Variants in SH3KBP1 observed in about 807,000 individuals in gnomAD.
The protein encoded by SH3KBP1 is SH3 domain containing kinase binding protein 1, also known as SH3 domain-containing kinase-binding protein 1.
SH3KBP1 carries 8 observed loss-of-function variants against 50.1 expected under a neutral mutation model. The ratio of observed to expected loss-of-function variants is 0.16; its 90% CI spans 0.09 to 0.29. The LOEUF (loss-of-function observed/expected upper bound fraction) is 0.29. Ranked by LOEUF, SH3KBP1 falls within the 10% of genes least tolerant of loss-of-function variation. The pLI, the probability that SH3KBP1 is intolerant of heterozygous loss-of-function variation, is 1.00. For missense variants in SH3KBP1, 377 were observed against 535.2 expected (o/e 0.70, Z 2.92); for synonymous variants, 227 against 218.6 (o/e 1.04, Z -0.34).
intron 1 of SH3KBP1, among the ~76,000 whole-genome samples, chrX:19,869,314 A>G (rs995763677): frequency 8.9e-6 from 1 of 112,715 alleles, no homozygotes; most frequent in African/African-American, 3.2e-5. Flanking sequence ...GCACATGGTT[A>G]CACAGCTGGA....
intron 6 of SH3KBP1, among the ~76,000 whole-genome samples, chrX:19,663,823 C>T (rs2062526442): frequency 1.8e-5 from 2 of 112,162 alleles, no homozygotes; most frequent in South Asian, 7.4e-4. Flanking sequence ...CAGTGGCTCA[C>T]GCCTGTAATC....
At chrX:19,857,085 T>C (rs780041188) in intron 1 of SH3KBP1, among the ~76,000 whole-genome samples, 2 of 104,146 alleles carry the variant, frequency 1.9e-5, no homozygotes, top group African/African-American at 7.0e-5. Context: ...AGATGGTCTG[T>C]CCATTTCATC....
chrX:19,722,230 C>A (rs2064076770), intron 3 of SH3KBP1, among the ~76,000 whole-genome samples: 2 of 111,356 alleles, frequency 1.8e-5, no homozygotes, highest in African/African-American at 3.3e-5. Flanking sequence ...CCTCTTATTA[C>A]TTGGGTCAGT....
chrX:19,871,471 A>C (rs908618649), intron 1 of SH3KBP1, among the ~76,000 whole-genome samples: 1 of 112,826 alleles, frequency 8.9e-6, no homozygotes, highest in Non-Finnish European at 1.9e-5. Flanking sequence ...TATATGGTAC[A>C]TATTAGCACC....
intron 9 of SH3KBP1, among the ~76,000 whole-genome samples, chrX:19,595,227 A>G (rs2066866365): frequency 8.9e-6 from 1 of 112,212 alleles, no homozygotes; most frequent in Non-Finnish European, 1.9e-5. Context: ...ATGAAACGCC[A>G]TTTCCCCCTT....
At chrX:19,872,252 C>CAAAAAAAA (rs67033348) in intron 1 of SH3KBP1, among the ~76,000 whole-genome samples, 19 of 37,949 alleles carry the variant, frequency 5.0e-4, no homozygotes, top group Admixed American at 1.2e-3. Flanking sequence ...AACTTCATCT[C>CAAAAAAAA]AAAAAAAAAA....
At chrX:19,883,743 C>G (rs2069509076) in intron 1 of SH3KBP1, among the ~76,000 whole-genome samples, 1 of 111,902 alleles carries the variant, frequency 8.9e-6, no homozygotes, top group African/African-American at 3.3e-5. Context: ...ACAAAACATG[C>G]ACCTTGTCCA....
intron 9 of SH3KBP1, among the ~76,000 whole-genome samples, chrX:19,598,457 A>C (rs1328939722): frequency 1.8e-5 from 2 of 111,067 alleles, no homozygotes; most frequent in African/African-American, 6.6e-5. Flanking sequence ...TTTCCTTCAC[A>C]AATTTTTCCT....
intron 6 of SH3KBP1, chrX:19,648,029 T>C (rs769780917): frequency 1.3e-5 from 5 of 374,894 alleles, no homozygotes; most frequent in Non-Finnish European, 2.1e-5. Context: ...CCTAGATAAA[T>C]TATGAAACAT....
intron 12 of SH3KBP1, among the ~76,000 whole-genome samples, chrX:19,572,315 TTATATAGTACATATATATGTTA>T (rs1287695508): frequency 6.3e-4 from 64 of 101,340 alleles, no homozygotes; most frequent in Non-Finnish European, 1.1e-3. Context: ...AGTACATATG[TTATATAGTACATATATATGTTA>T]TATATAGTAC....
chrX:19,803,381 T>G (rs1041734627), intron 2 of SH3KBP1, among the ~76,000 whole-genome samples: 1 of 111,451 alleles, frequency 9.0e-6, no homozygotes, highest in Non-Finnish European at 1.9e-5. Flanking sequence ...GGCTAATTTT[T>G]AAATTTAGTG....
At chrX:19,553,839 C>CAT (rs1362485381) in intron 13 of SH3KBP1, among the ~76,000 whole-genome samples, 14 of 83,590 alleles carry the variant, frequency 1.7e-4, no homozygotes, top group Admixed American at 1.7e-4. Context: ...CCTCTTAATG[C>CAT]ATATATATAT....
intron 1 of SH3KBP1, among the ~76,000 whole-genome samples, chrX:19,866,309 G>A (rs1220964557): frequency 8.9e-6 from 1 of 111,948 alleles, no homozygotes; most frequent in Non-Finnish European, 1.9e-5. Flanking sequence ...GGAGGGGACA[G>A]TAAAACAAGC....
intron 7 of SH3KBP1, among the ~76,000 whole-genome samples, chrX:19,632,305 T>C (rs1391542792): frequency 1.8e-5 from 2 of 112,072 alleles, no homozygotes; most frequent in Non-Finnish European, 3.8e-5. Flanking sequence ...CATAAACATA[T>C]ATAGTCTACA....
chrX:19,589,969 G>A (rs1438669680), intron 11 of SH3KBP1, among the ~76,000 whole-genome samples: 5 of 110,424 alleles, frequency 4.5e-5, no homozygotes, highest in Non-Finnish European at 7.6e-5. Context: ...AAACTAGCCG[G>A]GCATGGTGGC....
intron 6 of SH3KBP1, among the ~76,000 whole-genome samples, chrX:19,657,899 T>C (rs1238758588): frequency 1.1e-5 from 1 of 94,667 alleles, no homozygotes. Flanking sequence ...AGTAGACTGG[T>C]GGTTGCCAGG....
chrX:19,871,524 C>T lies in SH3KBP1; in HGVS notation c.4+15783G>A, dbSNP rs1324145885. Reference sequence around the variant, plus strand: ...ATTATCATGAACTTTAGAACTTTCACTGAAACTTGCCCCTGAGATGGCATC... The same window carrying T: ...ATTATCATGAACTTTAGAACTTTCATTGAAACTTGCCCCTGAGATGGCATC... On this transcript the variant is annotated intron_variant, in intron 1 of 17. Transcript: ENST00000397821. Among the ~76,000 whole-genome samples the T allele has an allele frequency of 2.7e-5, 3 of 112,520 alleles. No homozygotes were observed. The East Asian group carries it at 8.3e-4, about 31-fold the overall frequency.
chrX:19,560,289 G>C (rs1295378408), intron 13 of SH3KBP1, among the ~76,000 whole-genome samples: 1 of 109,911 alleles, frequency 9.1e-6, no homozygotes, highest in African/African-American at 3.3e-5. Flanking sequence ...AGAACTGACA[G>C]AACTAAAGAA....
chrX:19,777,162 C>A (rs964054283), intron 2 of SH3KBP1, among the ~76,000 whole-genome samples: 3 of 111,422 alleles, frequency 2.7e-5, no homozygotes, highest in Admixed American at 1.9e-4. Flanking sequence ...ATTTGAGGAA[C>A]CACAGTCCAC....
Sources: allele counts gnomAD v4.1 joint callset (sites outside exome capture counted in the v4.1 genomes callset), GRCh38; gene constraint gnomAD v4.1.1; transcripts MANE v1.5; gene names NCBI Gene and HGNC (gene_info 2026-07-23, HGNC 2026-07-21).